The following SLC25A16 variants were observed in gnomAD, a reference collection of about 807,000 sequenced individuals.
The protein encoded by SLC25A16 is mitochondrial coenzyme A transporter SLC25A16.
A neutral mutation model predicts 41.5 loss-of-function variants in SLC25A16; 39 were observed. The ratio of observed to expected loss-of-function variants is 0.94; its 90% CI spans 0.73 to 1.23. The LOEUF (loss-of-function observed/expected upper bound fraction) is 1.23, where lower values mean the gene tolerates loss of function less well. SLC25A16 is among the 50% of genes most tolerant of loss of function. The pLI is 0.00. For missense variants in SLC25A16, 421 were observed against 426.9 expected (o/e 0.99, Z 0.12); for synonymous variants, 146 against 147.8 (o/e 0.99, Z 0.09).
At chr10:68,499,217 G>A (rs1415027693) in intron 4 of SLC25A16, among the ~76,000 whole-genome samples, 1 of 152,128 alleles carries the variant, frequency 6.6e-6, no homozygotes, top group African/African-American at 2.4e-5. Flanking sequence ...TCAAAGGGAA[G>A]GTGAGTAACG....
chr10:68,516,163 T>C (rs943310743), intron 2 of SLC25A16, among the ~76,000 whole-genome samples: 3 of 152,186 alleles, frequency 2.0e-5, no homozygotes, highest in African/African-American at 7.2e-5. Flanking sequence ...TTTTATTTTT[T>C]GCAGAAAGGG....
At chr10:68,522,467 G>A (rs1186650978) in intron 1 of SLC25A16, among the ~76,000 whole-genome samples, 1 of 151,652 alleles carries the variant, frequency 6.6e-6, no homozygotes, top group Non-Finnish European at 1.5e-5. Context: ...ATCACTTAAG[G>A]TCAGGAATTC....
chr10:68,483,321 T>C lies in SLC25A16; in HGVS notation c.*111A>G, dbSNP rs2052507062. The C allele has an allele frequency of 4.4e-6, 3 of 676,936 alleles. No homozygotes were observed. The allele number at this position is 676,936 out of a possible 1,614,324, so 41.9% of individuals were successfully genotyped here. A position where few individuals can be genotyped will look rare whatever the true frequency, so the allele number is the denominator to read the frequency against. On this transcript the variant is annotated 3_prime_UTR_variant, in exon 9 of 9. Coordinates refer to ENST00000609923, the MANE Select transcript of SLC25A16 (RefSeq NM_152707.4). The stretch of plus-strand genomic sequence containing the variant: ...AATCAAGTACTAAAATACCAGTGGC[T>C]CTTGTGACAGGGTAAATATCCCCAT...
intron 1 of SLC25A16, among the ~76,000 whole-genome samples, chr10:68,519,721 C>A (rs2053219334): frequency 6.6e-6 from 1 of 151,594 alleles, no homozygotes; most frequent in Admixed American, 6.6e-5. Context: ...TCGAGACCAG[C>A]CTAGCCAACA....
intron 1 of SLC25A16, chr10:68,517,397 T>C: frequency 1.6e-5 from 4 of 254,020 alleles, no homozygotes; most frequent in Non-Finnish European, 2.5e-5. Context: ...TAGAATAAAG[T>C]GCATACATGG....
intron 6 of SLC25A16, among the ~76,000 whole-genome samples, chr10:68,491,752 AG>A (rs1191758933): frequency 1.3e-5 from 2 of 152,162 alleles, no homozygotes; most frequent in African/African-American, 4.8e-5. Context: ...TTTCTCTAAC[AG>A]GCCAGTTTCA....
intron 4 of SLC25A16, chr10:68,496,778 T>C (rs1270350824): frequency 6.6e-6 from 5 of 757,050 alleles, no homozygotes; most frequent in African/African-American, 1.9e-5. Flanking sequence ...TTATGAATTA[T>C]TTATTGTGTT....
chr10:68,520,501 C>A (rs1285277760), intron 1 of SLC25A16, among the ~76,000 whole-genome samples: 1 of 152,054 alleles, frequency 6.6e-6, no homozygotes, highest in Non-Finnish European at 1.5e-5. Flanking sequence ...CTTGGTGAAA[C>A]CCCGTCTCTA....
chr10:68,524,989 G>T (rs1483259855), intron 1 of SLC25A16, among the ~76,000 whole-genome samples: 1 of 152,078 alleles, frequency 6.6e-6, no homozygotes, highest in Non-Finnish European at 1.5e-5. Flanking sequence ...AGAGGTTGCA[G>T]TGAGCCAAGA....
At position 68,483,653 on chromosome 10, in the gene SLC25A16, T is replaced by C. The variant is rs1004845723; in HGVS notation, c.843-65A>G. ...CATGAAGAAACAATTTCAGGATCCA[T>C]AATATCAATTTTGTTTTTTTGAGAT... On this transcript the variant is annotated intron_variant, in intron 8 of 8. Coordinates refer to ENST00000609923, the MANE Select transcript of SLC25A16 (RefSeq NM_152707.4). 6 of 1,399,536 alleles carry C rather than the reference T, an allele frequency of 4.3e-6. No individual in the cohort carries two copies. The Admixed American group carries it at 1.2e-4, about 29-fold the overall frequency. 86.7% of individuals were successfully genotyped at this position (1,399,536 alleles called of 1,614,324 possible). A position where few individuals can be genotyped will look rare whatever the true frequency, so the allele number is the denominator to read the frequency against.
chr10:68,496,718 A>T (rs2052754967), intron 4 of SLC25A16: 1 of 930,936 alleles, frequency 1.1e-6, no homozygotes, highest in African/African-American at 1.8e-5. Flanking sequence ...ACCTGAGAAC[A>T]TATTTTAACC....
chr10:68,497,632 T>C (rs868300403), intron 4 of SLC25A16, among the ~76,000 whole-genome samples: 75 of 151,760 alleles, frequency 4.9e-4, no homozygotes, highest in Non-Finnish European at 8.1e-4. Context: ...TTTTTTTTTT[T>C]CCAAGATGGA....
At chr10:68,487,972 C>T (rs2052592491) in intron 7 of SLC25A16, among the ~76,000 whole-genome samples, 1 of 152,072 alleles carries the variant, frequency 6.6e-6, no homozygotes, top group Non-Finnish European at 1.5e-5. Context: ...TCTGCCTCAA[C>T]CTCCCGAGTA....
At chr10:68,513,941 A>G (rs1192750261) in intron 2 of SLC25A16, among the ~76,000 whole-genome samples, 1 of 152,134 alleles carries the variant, frequency 6.6e-6, no homozygotes, top group African/African-American at 2.4e-5. Context: ...TCATGCCTAT[A>G]ATTTCAGTAC....
intron 4 of SLC25A16, chr10:68,496,391 A>G (rs1055354708): frequency 1.4e-6 from 1 of 723,296 alleles, no homozygotes; most frequent in Non-Finnish European, 1.7e-6. Context: ...GAAGGCCAAA[A>G]AAGCCCTCGA....
In SLC25A16 at chr10:68,509,665, T is replaced by C. The variant is rs541001665; in HGVS notation, c.224-2947A>G. ...CTGCAGTGAGCTGTGATCACACCACTGCACTCCAGCCTGGGTGACAGAATA... is the reference window on the plus strand; with the variant it reads ...CTGCAGTGAGCTGTGATCACACCACCGCACTCCAGCCTGGGTGACAGAATA... On this transcript the variant is annotated intron_variant, in intron 2 of 8. Coordinates refer to ENST00000609923, the MANE Select transcript of SLC25A16 (RefSeq NM_152707.4). 6.7e-5 allele frequency among the ~76,000 whole-genome samples: 10 copies of C among 150,340 alleles called. No individual in the cohort carries two copies. In the South Asian group the frequency reaches 2.1e-3, roughly 31 times the overall value.
rs1200256070 is a variant in SLC25A16, at chr10:68,487,140, T to G, written c.842+4A>C. On this transcript the variant is annotated splice_donor_region_variant and intron_variant, in intron 8 of 8. Transcript: ENST00000609923. ...AAATGAACAATGACATATGATGAAC[T>G]TACAGGCACTTTTCAAATTCCGGCA... The G allele has an allele frequency of 6.2e-7, 1 of 1,609,822 alleles. No individual in the cohort carries two copies. The highest frequency in any genetic ancestry group is 8.5e-7 in the Non-Finnish European group (1 of 1,176,570).
intron 4 of SLC25A16, among the ~76,000 whole-genome samples, chr10:68,494,338 T>C (rs1460600880): frequency 1.4e-5 from 2 of 141,178 alleles, no homozygotes; most frequent in Non-Finnish European, 3.2e-5. Flanking sequence ...GGCACATTCC[T>C]GTAGTCCCAG....
Position 68,519,257 on chromosome 10 carries a change from G to A in SLC25A16, c.131-2414C>T, listed in dbSNP as rs916095264. 2.6e-5 allele frequency among the ~76,000 whole-genome samples: 4 copies of A among 152,026 alleles called. No homozygotes were observed. The East Asian group carries it at 5.8e-4, about 22-fold the overall frequency. On this transcript the variant is annotated intron_variant, in intron 1 of 8. Coordinates refer to ENST00000609923, the MANE Select transcript of SLC25A16 (RefSeq NM_152707.4). ...TAATCCCAGCACTTTGGGAGGCCGA[G>A]GTGGGTGGATCACGAGGTCAGGAGT... is the stretch of plus-strand genomic sequence containing the variant.
Sources: allele counts gnomAD v4.1 joint callset (sites outside exome capture counted in the v4.1 genomes callset), GRCh38; gene constraint gnomAD v4.1.1; transcripts MANE v1.5; gene names NCBI Gene and HGNC (gene_info 2026-07-23, HGNC 2026-07-21).